Variants in TLR5 observed in about 807,000 individuals in gnomAD.
The protein encoded by TLR5 is toll-like receptor 5.
For missense variants in TLR5, 944 were observed against 999.8 expected (o/e 0.94, Z 0.75); for synonymous variants, 373 against 384.4 (o/e 0.97, Z 0.35).
chr1:223,134,687 T>A lies in TLR5; in HGVS notation c.-175A>T, dbSNP rs1657535286. On this transcript the variant is annotated 5_prime_UTR_variant, in exon 4 of 6. Transcript: ENST00000642603. ...CAGAAAGTGAACATCCCTACCTGTCTCCAGGTTCGGACAGCGCCAACATTC... is the reference window on the plus strand; with the variant it reads ...CAGAAAGTGAACATCCCTACCTGTCACCAGGTTCGGACAGCGCCAACATTC... 6.6e-6 allele frequency: 1 copy of A among 152,310 alleles called. No homozygotes were observed. The highest frequency in any genetic ancestry group is 1.5e-5 in the Non-Finnish European group (1 of 68,038). 9.4% of individuals were successfully genotyped at this position (152,310 alleles called of 1,614,324 possible).
intron 2 of TLR5, among the ~76,000 whole-genome samples, chr1:223,138,137 G>T (rs888765276): frequency 1.4e-5 from 2 of 147,546 alleles, no homozygotes; most frequent in Non-Finnish European, 3.1e-5. Context: ...TTTTGTGTGT[G>T]GGGGTGGGGG....
chr1:223,121,080 C>G (rs945774391), intron 5 of TLR5, among the ~76,000 whole-genome samples: 2 of 152,064 alleles, frequency 1.3e-5, no homozygotes, highest in African/African-American at 4.8e-5. Context: ...AAGACCCTGC[C>G]TTGGAAAAAA....
Position 223,112,008 on chromosome 1 carries a change from T to C in TLR5, c.1024A>G (p.Asn342Asp). The change falls in exon 6 of 6, where the codon AAT (asparagine) becomes GAT (aspartate). Residue 342 changes from asparagine to aspartate, a missense_variant. Physicochemically the swap from Asn to Asp is conservative, Grantham distance 23. Coordinates refer to ENST00000642603, the MANE Select transcript of TLR5 (RefSeq NM_003268.6). ...FYGLDNLQVL[N>D]LSYNLLGELY... The stretch of plus-strand genomic sequence containing the variant: ...TCCCCCAGAAGGTTATATGACAAAT[T>C]GAGAACTTGGAGGTTGTCAAGTCCG... 1 of 1,614,204 alleles carries C rather than the reference T, an allele frequency of 6.2e-7. No individual in the cohort carries two copies. Among genetic ancestry groups the C allele is most frequent in the Non-Finnish European group, 8.5e-7 (1 of 1,180,040 alleles).
rs1656251329 is a variant in TLR5, at chr1:223,110,317, T to C, written c.*138A>G. 6 of 849,812 alleles carry C rather than the reference T, an allele frequency of 7.1e-6. No homozygotes were observed. The highest frequency in any genetic ancestry group is 1.1e-5 in the Non-Finnish European group (6 of 540,560). 52.6% of individuals were successfully genotyped at this position (849,812 alleles called of 1,614,324 possible). On this transcript the variant is annotated 3_prime_UTR_variant, in exon 6 of 6. Transcript: ENST00000642603. ...ACAGAACATGGTGTTGATACGAAAA[T>C]TGAGAGATTTATGTTGTTTTCATAG...
chr1:223,141,848 G>GAGAGAGAGAGAGAGAGAGAGAA (rs1553271506), intron 1 of TLR5, 85 bp from the exon 2 acceptor site: 27 of 135,366 alleles, frequency 2.0e-4, no homozygotes, highest in Non-Finnish European at 3.2e-4. Context: ...GAGAGAGAGA[G>GAGAGAGAGAGAGAGAGAGAGAA]AGAGAGAGAA....
intron 5 of TLR5, chr1:223,123,612 G>A (rs749924979): frequency 6.6e-6 from 1 of 152,364 alleles, no homozygotes; most frequent in Non-Finnish European, 1.5e-5. Flanking sequence ...GGTGAGCAGA[G>A]GAACCAGGTG....
intron 5 of TLR5, chr1:223,128,087 TC>T (rs1038431409): frequency 5.9e-5 from 9 of 152,258 alleles, no homozygotes; most frequent in Admixed American, 4.6e-4. Context: ...TAGACGCAAA[TC>T]CCTATAATAC....
chr1:223,113,896 C>G (rs1443625856), intron 5 of TLR5, among the ~76,000 whole-genome samples: 1 of 152,216 alleles, frequency 6.6e-6, no homozygotes, highest in African/African-American at 2.4e-5. Flanking sequence ...TACCCCGTTC[C>G]TAGCCCACAG....
chr1:223,121,582 G>A (rs1180053330), intron 5 of TLR5, among the ~76,000 whole-genome samples: 1 of 152,178 alleles, frequency 6.6e-6, no homozygotes, highest in East Asian at 1.9e-4. Flanking sequence ...GCAGTGGTGC[G>A]ATTACAGCTC....
chr1:223,121,921 T>C (rs1656971147), intron 5 of TLR5, among the ~76,000 whole-genome samples: 1 of 152,222 alleles, frequency 6.6e-6, no homozygotes, highest in African/African-American at 2.4e-5. Flanking sequence ...GGTAATGACC[T>C]TGTATTTATA....
Position 223,110,161 on chromosome 1 carries a change from T to C in TLR5, c.*294A>G. ...CAAGGTGCCCTTCCCATGATTAGGA[T>C]ACATTCCATAATCAACACAGCAGGA... On this transcript the variant is annotated 3_prime_UTR_variant, in exon 6 of 6. Coordinates refer to ENST00000642603, the MANE Select transcript of TLR5 (RefSeq NM_003268.6). The C allele has an allele frequency of 2.4e-6, 1 of 423,918 alleles. No individual in the cohort carries two copies. The highest frequency in any genetic ancestry group is 4.3e-6 in the Non-Finnish European group (1 of 235,146). 26.3% of individuals were successfully genotyped at this position (423,918 alleles called of 1,614,324 possible).
intron 5 of TLR5, chr1:223,128,727 T>C (rs947327586): frequency 2.6e-5 from 4 of 152,272 alleles, no homozygotes; most frequent in South Asian, 2.1e-4. Flanking sequence ...CCAATCAGAC[T>C]GACTGCAGGT....
intron 2 of TLR5, among the ~76,000 whole-genome samples, chr1:223,138,503 T>C (rs2096142): frequency 0.6 from 91,267 of 151,790 alleles, 28,374 homozygotes; most frequent in East Asian, 0.76. Flanking sequence ...CCACATTTGC[T>C]TTCACAAGTT....
At position 223,112,305 on chromosome 1, in the gene TLR5, T is replaced by C. The variant is rs1656393015; in HGVS notation, c.727A>G (p.Thr243Ala). 2.5e-6 allele frequency: 4 copies of C among 1,614,250 alleles called. No individual in the cohort carries two copies. The East Asian group carries it at 8.9e-5, about 36-fold the overall frequency. Reference protein sequence around the residue: ...VSGNGWTVDITGNFSNAISKS... With the variant: ...VSGNGWTVDIAGNFSNAISKS... Reference sequence around the variant, plus strand: ...CTGATGGCATTGCTAAAGTTTCCTGTGATGTCCACTGTCCAGCCATTTCCA... The same window carrying C: ...CTGATGGCATTGCTAAAGTTTCCTGCGATGTCCACTGTCCAGCCATTTCCA... Residue 243 changes from threonine to alanine, a missense_variant, in exon 6 of 6, where the codon ACA becomes GCA. Thr to Ala is a moderately conservative substitution (Grantham distance 58, BLOSUM62 0). Transcript: ENST00000642603.
intron 2 of TLR5, among the ~76,000 whole-genome samples, chr1:223,139,360 T>C (rs1304677098): frequency 6.6e-6 from 1 of 152,126 alleles, no homozygotes; most frequent in Non-Finnish European, 1.5e-5. Context: ...CAGGGAGCCA[T>C]CCCAGCAGGG....
Position 223,110,904 on chromosome 1 carries a change from C to G in TLR5, c.2128G>C (p.Ala710Pro), listed in dbSNP as rs747680516. The G allele has an allele frequency of 6.2e-7, 1 of 1,614,236 alleles. No homozygotes were observed. The highest frequency in any genetic ancestry group is 8.5e-7 in the Non-Finnish European group (1 of 1,180,048). The change falls in exon 6 of 6, where the codon GCT becomes CCT. Residue 710 changes from alanine to proline, a missense_variant. Transcript: ENST00000642603. ...TGAGTGTCCAGGTGTTTGAGCAAAG[C>G]ATTCTGCACCCATGTGAAGTCTTTG... ...SSKDFTWVQN[A>P]LLKHLDTQYS...
In TLR5 at chr1:223,111,519, G is replaced by A; in HGVS notation, c.1513C>T (p.Gln505Ter). Reference sequence around the variant, plus strand: ...TAGTTATGATTCAAATACAGAACTTGAAGATGAGAAAGTCCCTCAAAAACA... The same window carrying A: ...TAGTTATGATTCAAATACAGAACTTAAAGATGAGAAAGTCCCTCAAAAACA... The part of the protein sequence containing the change: ...WDVFEGLSHL[Q>*]VLYLNHNYLN... The change falls in exon 6 of 6, where the codon CAA becomes TAA. Residue 505 changes from glutamine to a stop codon, truncating the protein, a stop_gained. Coordinates refer to ENST00000642603, the MANE Select transcript of TLR5 (RefSeq NM_003268.6). LOFTEE classifies it low-confidence loss of function (END_TRUNC). 6.2e-7 allele frequency: 1 copy of A among 1,614,172 alleles called. No individual in the cohort carries two copies. The highest frequency in any genetic ancestry group is 8.5e-7 in the Non-Finnish European group (1 of 1,180,040).
At chr1:223,142,758 C>T (rs1657934580) in intron 1 of TLR5, among the ~76,000 whole-genome samples, 1 of 152,144 alleles carries the variant, frequency 6.6e-6, no homozygotes, top group African/African-American at 2.4e-5. Context: ...ATTTCCATGG[C>T]CCTGCTGGAG....
At chr1:223,124,005 T>C (rs933002322) in intron 5 of TLR5, 1 of 152,234 alleles carries the variant, frequency 6.6e-6, no homozygotes, top group African/African-American at 2.4e-5. Flanking sequence ...TATAATTACA[T>C]CTACAGTTAG....
Sources: allele counts gnomAD v4.1 joint callset (sites outside exome capture counted in the v4.1 genomes callset), GRCh38; gene constraint gnomAD v4.1.1; transcripts MANE v1.5; gene names NCBI Gene and HGNC (gene_info 2026-07-23, HGNC 2026-07-21).